Variants in KLHL28 observed in about 807,000 individuals in gnomAD.
The protein encoded by KLHL28 is kelch-like protein 28.
In KLHL28, 22 loss-of-function variants were observed where a neutral mutation model predicts 48.3. That is an observed-to-expected ratio of 0.46 (90% CI 0.33 to 0.65). The LOEUF is 0.65. Ranked by LOEUF, KLHL28 falls within the 30% of genes least tolerant of loss-of-function variation. KLHL28 has a pLI of 0.03. For synonymous variants in KLHL28, 243 were observed against 242.4 expected (o/e 1.00, Z -0.02); for missense variants, 527 against 704.3 (o/e 0.75, Z 2.85).
Position 44,945,577 on chromosome 14 carries a change from T to C in KLHL28, c.352A>G (p.Lys118Glu). ...LLPAANLLQI[K>E]LVLKECCAFL... ...GCACAACATTCTTTCAGGACAAGTTTTATCTGGAGTAGGTTTGCTGCTGGC... is the reference window on the plus strand; with the variant it reads ...GCACAACATTCTTTCAGGACAAGTTCTATCTGGAGTAGGTTTGCTGCTGGC... The change falls in exon 2 of 5, where the codon AAA (lysine) becomes GAA (glutamate). Residue 118 changes from lysine (K) to glutamate (E), a missense_variant. Transcript: ENST00000396128. 6.2e-7 allele frequency: 1 copy of C among 1,614,170 alleles called. No homozygotes were observed. Among genetic ancestry groups the C allele is most frequent in the Non-Finnish European group, 8.5e-7 (1 of 1,180,032 alleles).
In KLHL28 at chr14:44,956,703, T is replaced by C. The variant is rs944110578; in HGVS notation, c.-1+5143A>G. Among the ~76,000 whole-genome samples, 7 of 152,336 alleles carry C rather than the reference T, an allele frequency of 4.6e-5. No homozygotes were observed. The East Asian group carries it at 7.7e-4, about 17-fold the overall frequency. On this transcript the variant is annotated intron_variant, in intron 1 of 4. Coordinates refer to ENST00000396128, the MANE Select transcript of KLHL28 (RefSeq NM_017658.5). ...TCAATCAAATACAACCTGTGAACCA[T>C]AGACTTGTGTGTGCACCCACATATT...
chr14:44,941,637 A>AAAAAAAAAGAAAAAGAAAAAGAAATT (rs1884095583), intron 2 of KLHL28, among the ~76,000 whole-genome samples: 1 of 151,606 alleles, frequency 6.6e-6, no homozygotes, highest in Non-Finnish European at 1.5e-5. Flanking sequence ...TCAAAAAAAA[A>AAAAAAAAAGAAAAAGAAAAAGAAATT]AAAAAAAAGA....
chr14:44,955,718 C>T (rs544020965), intron 1 of KLHL28, among the ~76,000 whole-genome samples: 2 of 152,194 alleles, frequency 1.3e-5, no homozygotes, highest in East Asian at 1.9e-4. Context: ...CCCAGGAGGT[C>T]GAGGCTGCAG....
At chr14:44,951,515 A>G (rs1000187931) in intron 1 of KLHL28, among the ~76,000 whole-genome samples, 7 of 152,316 alleles carry the variant, frequency 4.6e-5, no homozygotes, top group Non-Finnish European at 1.0e-4. Flanking sequence ...GACCATTCCA[A>G]CTAGTAAGTA....
At chr14:44,938,807 C>T (rs537184733) in intron 2 of KLHL28, among the ~76,000 whole-genome samples, 1 of 152,294 alleles carries the variant, frequency 6.6e-6, no homozygotes, top group East Asian at 1.9e-4. Flanking sequence ...TTAGCCCATA[C>T]AGCTCTCACT....
chr14:44,941,712 C>G (rs1884104178), intron 2 of KLHL28, among the ~76,000 whole-genome samples: 1 of 151,902 alleles, frequency 6.6e-6, no homozygotes, highest in Admixed American at 6.6e-5. Flanking sequence ...TTAAGAGCCA[C>G]TTTTCCATTT....
In KLHL28 at chr14:44,928,139, T is replaced by C. The variant is rs1248234805; in HGVS notation, c.*889A>G. ...TCTGAACACTTTGAAAAAGCAAAGA[T>C]CTTAAAAAACTAAAATTATAAGGAT... On this transcript the variant is annotated 3_prime_UTR_variant, in exon 5 of 5. Transcript: ENST00000396128. 1 of 152,492 alleles carries C rather than the reference T, an allele frequency of 6.6e-6. No homozygotes were observed. The highest frequency in any genetic ancestry group is 2.1e-4 in the South Asian group (1 of 4,820). 9.4% of individuals were successfully genotyped at this position (152,492 alleles called of 1,614,324 possible).
chr14:44,949,479 C>G (rs190970792), intron 1 of KLHL28, among the ~76,000 whole-genome samples: 5 of 152,142 alleles, frequency 3.3e-5, no homozygotes, highest in African/African-American at 1.2e-4. Flanking sequence ...TAAGCTAGTT[C>G]AGTTAGCTAA....
chr14:44,933,023 T>C (rs142847555), intron 3 of KLHL28, among the ~76,000 whole-genome samples: 43 of 152,342 alleles, frequency 2.8e-4, no homozygotes, highest in Non-Finnish European at 4.4e-4. Context: ...GTTCCTTATA[T>C]AAAACAGTAT....
chr14:44,946,204 T>C (rs996895350), intron 1 of KLHL28, among the ~76,000 whole-genome samples: 3 of 152,162 alleles, frequency 2.0e-5, no homozygotes, highest in Non-Finnish European at 2.9e-5. Context: ...CAATGGACTT[T>C]TGGATCAAAA....
intron 4 of KLHL28, 45 bp downstream of exon 4, chr14:44,931,288 G>A: frequency 8.2e-7 from 1 of 1,225,752 alleles, no homozygotes; most frequent in Non-Finnish European, 1.2e-6. Context: ...CATCATTATA[G>A]AAAACATTGC....
chr14:44,941,968 A>G (rs1884116909), intron 2 of KLHL28, among the ~76,000 whole-genome samples: 1 of 152,212 alleles, frequency 6.6e-6, no homozygotes, highest in African/African-American at 2.4e-5. Flanking sequence ...ACTCCATCAA[A>G]GACTTCATAG....
intron 2 of KLHL28, among the ~76,000 whole-genome samples, chr14:44,936,464 G>A (rs1883828171): frequency 1.3e-5 from 2 of 152,190 alleles, no homozygotes; most frequent in African/African-American, 4.8e-5. Flanking sequence ...GGCAGATTTG[G>A]TGTTGGGAAG....
At chr14:44,949,961 G>C (rs1303051726) in intron 1 of KLHL28, among the ~76,000 whole-genome samples, 2 of 152,026 alleles carry the variant, frequency 1.3e-5, no homozygotes, top group Admixed American at 1.3e-4. Flanking sequence ...ATCATCCTTT[G>C]ACAGGGATCT....
rs1883442659 is a variant in KLHL28 at position 44,928,337 on chromosome 14, C to T, written c.*691G>A. ...GGTAATTAAATTCATCCAACGTTAA[C>T]CTGCCCATATACAAAAGGCATAAAC... is the stretch of plus-strand genomic sequence containing the variant. On this transcript the variant is annotated 3_prime_UTR_variant, in exon 5 of 5. Transcript: ENST00000396128. The T allele has an allele frequency of 6.6e-6, 1 of 152,056 alleles. No individual in the cohort carries two copies. Among genetic ancestry groups the T allele is most frequent in the Non-Finnish European group, 1.5e-5 (1 of 68,008 alleles). 9.4% of individuals were successfully genotyped at this position (152,056 alleles called of 1,614,324 possible).
chr14:44,941,042 G>A (rs938942448), intron 2 of KLHL28, among the ~76,000 whole-genome samples: 1 of 152,084 alleles, frequency 6.6e-6, no homozygotes, highest in East Asian at 1.9e-4. Context: ...AGAGGTTGCT[G>A]TGAGTTGAGA....
chr14:44,954,550 A>G (rs1273772002), intron 1 of KLHL28, among the ~76,000 whole-genome samples: 6 of 152,222 alleles, frequency 3.9e-5, no homozygotes, highest in Non-Finnish European at 7.4e-5. Flanking sequence ...AATACTCTGC[A>G]GTGATCTCCC....
chr14:44,952,093 T>G (rs1482439621), intron 1 of KLHL28, among the ~76,000 whole-genome samples: 1 of 152,094 alleles, frequency 6.6e-6, no homozygotes, highest in African/African-American at 2.4e-5. Context: ...ACTCCTGGAC[T>G]CAAACGATCA....
At chr14:44,959,573 T>C (rs925662395) in intron 1 of KLHL28, 1 of 152,136 alleles carries the variant, frequency 6.6e-6, no homozygotes, top group Non-Finnish European at 1.5e-5. Context: ...GGAACTAATG[T>C]GTTATCTCTG....
Sources: allele counts gnomAD v4.1 joint callset (sites outside exome capture counted in the v4.1 genomes callset), GRCh38; gene constraint gnomAD v4.1.1; transcripts MANE v1.5; gene names NCBI Gene and HGNC (gene_info 2026-07-23, HGNC 2026-07-21).